Variants in GPHN observed in about 807,000 individuals in gnomAD.
GPHN encodes the protein gephyrin.
Under a neutral mutation model 95.5 loss-of-function variants are expected in GPHN, and 17 were observed. The observed-to-expected ratio is 0.18, with a 90% CI of 0.12 to 0.27. GPHN has a LOEUF of 0.27. Among genes scored for constraint, GPHN ranks in the 10% least tolerant of loss-of-function variants. The probability of loss-of-function intolerance (pLI) is 1.00; values close to 1 mark genes in which losing one functional copy is unlikely to be tolerated. For missense variants in GPHN, 660 were observed against 978.1 expected (o/e 0.67, Z 4.34); for synonymous variants, 320 against 322.5 (o/e 0.99, Z 0.08).
chr14:66,656,416 A>G (rs756548826), intron 1 of GPHN, among the ~76,000 whole-genome samples: 21 of 152,080 alleles, frequency 1.4e-4, no homozygotes, highest in Non-Finnish European at 5.9e-5. Context: ...TATCCTTTTG[A>G]TTCCTACAGA....
chr14:67,602,839 T>C, the GPHN span, among the ~76,000 whole-genome samples: 1 of 152,218 alleles, frequency 6.6e-6, no homozygotes, highest in African/African-American at 2.4e-5. Context: ...CTAGCTATTA[T>C]TATTTAATGT....
chr14:66,972,857 T>G (rs1339658499), intron 9 of GPHN, among the ~76,000 whole-genome samples: 1 of 152,120 alleles, frequency 6.6e-6, no homozygotes, highest in Non-Finnish European at 1.5e-5. Context: ...AATAGAACAG[T>G]GATTGTTCAT....
intron 16 of GPHN, among the ~76,000 whole-genome samples, chr14:67,114,646 C>A (rs1292579842): frequency 6.6e-6 from 1 of 152,164 alleles, no homozygotes; most frequent in African/African-American, 2.4e-5. Context: ...GCTATGATGG[C>A]ACTACTGCAC....
At chr14:66,609,001 T>A (rs1481047074) in intron 1 of GPHN, among the ~76,000 whole-genome samples, 1 of 152,162 alleles carries the variant, frequency 6.6e-6, no homozygotes, top group African/African-American at 2.4e-5. Context: ...GGCATTGATA[T>A]GTGAAGTTTT....
chr14:66,931,255 T>C (rs2066776742), intron 8 of GPHN, among the ~76,000 whole-genome samples: 1 of 152,212 alleles, frequency 6.6e-6, no homozygotes. Flanking sequence ...CTGTTATTTT[T>C]CTCTTGATGC....
chr14:67,668,462 G>T, the GPHN span, among the ~76,000 whole-genome samples: 1 of 152,188 alleles, frequency 6.6e-6, no homozygotes, highest in Non-Finnish European at 1.5e-5. Flanking sequence ...GTACTTTGGA[G>T]AAATACAGTT....
chr14:66,821,039 C>T lies in GPHN; in HGVS notation c.202-3435C>T, dbSNP rs543020813. On this transcript the variant is annotated intron_variant, in intron 3 of 22. Coordinates refer to ENST00000478722, the MANE Select transcript of GPHN (RefSeq NM_020806.5). The stretch of plus-strand genomic sequence containing the variant: ...CACTTTTGCAACAGATGCAGAGGGA[C>T]TTTTCATAAGTTGCTTTCATGAAAA... Among the ~76,000 whole-genome samples the T allele has an allele frequency of 8.9e-4, 135 of 152,240 alleles. 1 individual carries two copies. Among genetic ancestry groups the T allele is most frequent in the Non-Finnish European group, 1.3e-3 (89 of 68,014 alleles).
chr14:67,563,204 G>A, the GPHN span, among the ~76,000 whole-genome samples: 1 of 152,194 alleles, frequency 6.6e-6, no homozygotes, highest in Non-Finnish European at 1.5e-5. Context: ...TGGTATGATG[G>A]TCAAGAGCAT....
the GPHN span, chr14:67,727,030 C>T: frequency 6.2e-7 from 1 of 1,613,694 alleles, no homozygotes; most frequent in Non-Finnish European, 8.5e-7. Context: ...AGGTGTCTGC[C>T]CCTGCACGGG....
intron 1 of GPHN, among the ~76,000 whole-genome samples, chr14:66,525,553 A>G (rs1296887135): frequency 1.3e-5 from 2 of 152,204 alleles, no homozygotes; most frequent in Non-Finnish European, 1.5e-5. Context: ...TGTTTTAGAC[A>G]TGAAGTCTTT....
chr14:67,044,015 G>C (rs187462484), intron 10 of GPHN, among the ~76,000 whole-genome samples: 2 of 152,064 alleles, frequency 1.3e-5, no homozygotes, highest in African/African-American at 4.8e-5. Flanking sequence ...TTTGTGTGGA[G>C]GTGTTTATAC....
chr14:66,666,753 C>T (rs1426698058), intron 1 of GPHN, among the ~76,000 whole-genome samples: 1 of 152,160 alleles, frequency 6.6e-6, no homozygotes, highest in East Asian at 1.9e-4. Context: ...TCTCACCGCT[C>T]CTGTTCAACA....
the GPHN span, chr14:67,473,185 C>T: frequency 6.4e-5 from 36 of 564,472 alleles, no homozygotes; most frequent in African/African-American, 1.1e-4. The surrounding 1 kb of genome is among the most constrained non-coding windows in gnomAD (Gnocchi z 6.5). Flanking sequence ...AACTGGGCCG[C>T]GATCCATGGA....
chr14:66,707,738 C>A (rs1205993582), intron 2 of GPHN, among the ~76,000 whole-genome samples: 2 of 151,880 alleles, frequency 1.3e-5, no homozygotes, highest in African/African-American at 2.4e-5. Flanking sequence ...CACATGTATA[C>A]CTATGTAACA....
chr14:67,025,702 C>T (rs542469446), intron 10 of GPHN, among the ~76,000 whole-genome samples: 1 of 152,214 alleles, frequency 6.6e-6, no homozygotes, highest in African/African-American at 2.4e-5. Flanking sequence ...AAAATAATGC[C>T]TCTTTTATAT....
At chr14:67,191,152 T>G in the GPHN span, among the ~76,000 whole-genome samples, 6 of 152,160 alleles carry the variant, frequency 3.9e-5, no homozygotes, top group African/African-American at 1.2e-4. Context: ...GAGAATCACT[T>G]GAACCCAGGA....
chr14:66,908,624 T>G (rs8006371), intron 5 of GPHN, among the ~76,000 whole-genome samples: 48,506 of 151,490 alleles, frequency 0.32, 12,262 homozygotes, highest in African/African-American at 0.68. Flanking sequence ...AGAACTGGGG[T>G]CAGGTTGGGG....
intron 1 of GPHN, among the ~76,000 whole-genome samples, chr14:66,602,930 A>G (rs1191318723): frequency 6.6e-6 from 1 of 151,918 alleles, no homozygotes; most frequent in East Asian, 1.9e-4. Context: ...AATATTATCA[A>G]CATTTGCTCT....
At chr14:66,726,265 A>T (rs2071225002) in intron 2 of GPHN, among the ~76,000 whole-genome samples, 1 of 152,214 alleles carries the variant, frequency 6.6e-6, no homozygotes, top group Admixed American at 6.5e-5. Context: ...GGAATAATTT[A>T]CACTTCCACC....
Sources: allele counts gnomAD v4.1 joint callset (sites outside exome capture counted in the v4.1 genomes callset), GRCh38; gene constraint gnomAD v4.1.1; non-coding constraint Gnocchi (gnomAD v3.1); transcripts MANE v1.5; gene names NCBI Gene and HGNC (gene_info 2026-07-23, HGNC 2026-07-21).